HAX1: variants seen among roughly 807,000 people sequenced by gnomAD.
HAX1 encodes HCLS1-associated protein X-1.
A neutral mutation model predicts 31.1 loss-of-function variants in HAX1; 27 were observed. That is an observed-to-expected ratio of 0.87 (90% CI 0.64 to 1.20). The LOEUF (loss-of-function observed/expected upper bound fraction) is 1.20, where lower values mean the gene tolerates loss of function less well. Among genes scored for constraint, HAX1 ranks in the 50% most tolerant of loss-of-function variants. The probability of loss-of-function intolerance (pLI) is 0.00; values close to 1 mark genes in which losing one functional copy is unlikely to be tolerated. For synonymous variants in HAX1, 114 were observed against 124.1 expected (o/e 0.92, Z 0.54); for missense variants, 357 against 361.6 (o/e 0.99, Z 0.10).
intron 1 of HAX1, 60 bp downstream of exon 1, chr1:154,272,836 C>A: frequency 1.4e-6 from 2 of 1,470,668 alleles, no homozygotes; most frequent in Non-Finnish European, 1.9e-6. Flanking sequence ...TTGACCCCTA[C>A]GTCTTATTTT....
Position 154,273,758 on chromosome 1 carries a change from T to C in HAX1, c.317-16T>C, listed in dbSNP as rs1471084228. The C allele has an allele frequency of 6.2e-7, 1 of 1,613,972 alleles. No homozygotes were observed. The highest frequency in any genetic ancestry group is 1.3e-5 in the African/African-American group (1 of 74,902). On this transcript the variant is annotated splice_polypyrimidine_tract_variant and intron_variant, in intron 2 of 6. Transcript: ENST00000328703. The stretch of plus-strand genomic sequence containing the variant: ...GTCCTTTCCCATCCCAGCAAACACC[T>C]GCCACCTTTCTGCAGAACTTCCAGG...
Position 154,273,502 on chromosome 1 carries a change from C to T in HAX1, c.220C>T (p.Arg74Cys), listed in dbSNP as rs1558251527. The T allele has an allele frequency of 4.3e-6, 7 of 1,614,100 alleles. No individual in the cohort carries two copies. The highest frequency in any genetic ancestry group is 3.3e-5 in the South Asian group (3 of 91,088). The change falls in exon 2 of 7, where the codon CGT becomes TGT. Residue 74 changes from arginine (R) to cysteine (C), a missense_variant. By Grantham distance (180) the Arg-to-Cys change is radical. Coordinates refer to ENST00000328703, the MANE Select transcript of HAX1 (RefSeq NM_006118.4). ...GFSFSPGGGI[R>C]FHDNFGFDDL... ...CAGCTTCAGCCCAGGAGGAGGGATA[C>T]GTTTCCACGATAACTTCGGCTTTGA...
intron 3 of HAX1, among the ~76,000 whole-genome samples, chr1:154,274,343 G>A (rs1056477658): frequency 2.0e-5 from 3 of 151,538 alleles, no homozygotes; most frequent in African/African-American, 7.3e-5. Context: ...CAATTCCCAG[G>A]TTCAAGTGAT....
At chr1:154,274,062 CT>C (rs1455164614) in intron 3 of HAX1, 101 bp downstream of exon 3, 1 of 1,078,306 alleles carries the variant, frequency 9.3e-7, no homozygotes, top group Non-Finnish European at 1.4e-6. Flanking sequence ...AATCCCAGCA[CT>C]TTGGGAGGCC....
intron 3 of HAX1, among the ~76,000 whole-genome samples, 192 bp from the exon 4 acceptor site, chr1:154,274,758 T>G (rs1008855231): frequency 6.6e-6 from 1 of 152,116 alleles, no homozygotes; most frequent in Non-Finnish European, 1.5e-5. Context: ...TAGGAATATA[T>G]CAGTTCAGGA....
Position 154,273,591 on chromosome 1 carries a change from T to C in HAX1, c.309T>C (p.His103=). The change falls in exon 2 of 7, where the codon CAT becomes CAC. Residue 103 remains histidine (H), a synonymous_variant. Transcript: ENST00000328703. ...TGGGGGCCTGGACCTTGCCTTCCCA[T>C]CCTCCTGGTGTGTGGCTTTCCCTAA... The part of the protein sequence containing the change: ...SDMGAWTLPS[H]PPELPGPESE... 2 of 1,614,138 alleles carry C rather than the reference T, an allele frequency of 1.2e-6. No homozygotes were observed. The highest frequency in any genetic ancestry group is 8.5e-7 in the Non-Finnish European group (1 of 1,180,008).
At chr1:154,274,822 G>A (rs1332319373) in intron 3 of HAX1, 128 bp from the exon 4 acceptor site, 1 of 731,830 alleles carries the variant, frequency 1.4e-6, no homozygotes. Flanking sequence ...GTGTAAATAA[G>A]GCTATTCTGA....
Position 154,273,587 on chromosome 1 carries a change from C to T in HAX1, c.305C>T (p.Ser102Phe), listed in dbSNP as rs1342223114. 1 of 1,614,116 alleles carries T rather than the reference C, an allele frequency of 6.2e-7. No homozygotes were observed. Among genetic ancestry groups the T allele is most frequent in the Non-Finnish European group, 8.5e-7 (1 of 1,179,998 alleles). ...FSDMGAWTLP[S>F]HPPELPGPES... Reference sequence around the variant, plus strand: ...GATATGGGGGCCTGGACCTTGCCTTCCCATCCTCCTGGTGTGTGGCTTTCC... The same window carrying T: ...GATATGGGGGCCTGGACCTTGCCTTTCCATCCTCCTGGTGTGTGGCTTTCC... Residue 102 changes from serine (S) to phenylalanine (F), a missense_variant, in exon 2 of 7, where the codon TCC becomes TTC. Transcript: ENST00000328703.
chr1:154,274,962 T>C lies in HAX1; in HGVS notation c.517T>C (p.Trp173Arg). The C allele has an allele frequency of 1.2e-6, 2 of 1,610,912 alleles. No individual in the cohort carries two copies. The highest frequency in any genetic ancestry group is 8.5e-7 in the Non-Finnish European group (1 of 1,177,060). The change falls in exon 4 of 7, where the codon TGG becomes CGG. Residue 173 changes from tryptophan (W) to arginine (R), a missense_variant. By Grantham distance (101) the Trp-to-Arg change is moderately radical. Coordinates refer to ENST00000328703, the MANE Select transcript of HAX1 (RefSeq NM_006118.4). ...GTTTCTTCTGCAGTTTGATGATGTATGGCCTATGGACCCCCATCCTAGAAC... is the reference window on the plus strand; with the variant it reads ...GTTTCTTCTGCAGTTTGATGATGTACGGCCTATGGACCCCCATCCTAGAAC... The part of the protein sequence containing the change: ...QRPFHRFDDV[W>R]PMDPHPRTRE...
At chr1:154,274,105 G>C in intron 3 of HAX1, 144 bp downstream of exon 3, 37 of 735,914 alleles carry the variant, frequency 5.0e-5, no homozygotes, top group South Asian at 7.6e-5. Flanking sequence ...GTCAGGAGTT[G>C]GAGACCAGCC....
Position 154,273,862 on chromosome 1 carries a change from T to G in HAX1, c.405T>G (p.Ser135Arg). The G allele has an allele frequency of 6.2e-7, 1 of 1,614,018 alleles. No individual in the cohort carries two copies. Among genetic ancestry groups the G allele is most frequent in the Non-Finnish European group, 8.5e-7 (1 of 1,179,980 alleles). Residue 135 changes from serine to arginine, a missense_variant, in exon 3 of 7, where the codon AGT (serine) becomes AGG (arginine). Ser to Arg is a moderately radical substitution (Grantham distance 110, BLOSUM62 -1). Coordinates refer to ENST00000328703, the MANE Select transcript of HAX1 (RefSeq NM_006118.4). ...LRDSMLKYPD[S>R]HQPRIFGGVL... ...ACTCAATGCTTAAGTATCCAGATAGTCACCAGCCCAGGATCTTTGGGGGGG... is the reference window on the plus strand; with the variant it reads ...ACTCAATGCTTAAGTATCCAGATAGGCACCAGCCCAGGATCTTTGGGGGGG...
In HAX1 at chr1:154,273,167, A is replaced by AG. The variant is rs1174853157; in HGVS notation, c.54-169_54-168insG. On this transcript the variant is annotated intron_variant, in intron 1 of 6. Coordinates refer to ENST00000328703, the MANE Select transcript of HAX1 (RefSeq NM_006118.4). Reference sequence around the variant, plus strand: ...ACTTTGATTAAAAAAAAAAAAAAAAAAAAAGAACTGTCAGCCATTGTATTA... The same window carrying AG: ...ACTTTGATTAAAAAAAAAAAAAAAAAGAAAAGAACTGTCAGCCATTGTATTA... 7.3e-6 allele frequency: 5 copies of AG among 687,540 alleles called. No individual in the cohort carries two copies. In the East Asian group the frequency reaches 8.0e-5, roughly 11 times the overall value. The allele number at this position is 687,540 out of a possible 1,614,324, so 42.6% of individuals were successfully genotyped here.
At position 154,272,842 on chromosome 1, in the gene HAX1, A is replaced by AT. The variant is rs1047496449; in HGVS notation, c.53+71dup. 30 of 1,435,770 alleles carry AT rather than the reference A, an allele frequency of 2.1e-5. No individual in the cohort carries two copies. In the Admixed American group the frequency reaches 5.1e-4, roughly 24 times the overall value. The allele number at this position is 1,435,770 out of a possible 1,614,324, so 88.9% of individuals were successfully genotyped here. A position where few individuals can be genotyped will look rare whatever the true frequency, so the allele number is the denominator to read the frequency against. On this transcript the variant is annotated intron_variant, in intron 1 of 6. Transcript: ENST00000328703. ...GAGGGGAGCTTGACCCCTACGTCTT[A>AT]TTTTTGGAAAAACATCCTCTGTCCC...
Position 154,273,350 on chromosome 1 carries a change from T to G in HAX1, c.68T>G (p.Phe23Cys). ...TCCACTCTCAGCCACAGAGATCCCT[T>G]TTTTGGAGGGATGACTCGAGATGAA... Reference protein sequence around the residue: ...FPGPRSHRDPFFGGMTRDEDD... With the variant: ...FPGPRSHRDPCFGGMTRDEDD... The change falls in exon 2 of 7, where the codon TTT (phenylalanine) becomes TGT (cysteine). Residue 23 changes from phenylalanine (F) to cysteine (C), a missense_variant. Phe to Cys is a radical substitution (Grantham distance 205). Coordinates refer to ENST00000328703, the MANE Select transcript of HAX1 (RefSeq NM_006118.4). 1 of 1,613,448 alleles carries G rather than the reference T, an allele frequency of 6.2e-7. No individual in the cohort carries two copies. The highest frequency in any genetic ancestry group is 8.5e-7 in the Non-Finnish European group (1 of 1,179,738).
Position 154,275,867 on chromosome 1 carries a change from T to A in HAX1, c.*166T>A. The A allele has an allele frequency of 1.5e-6, 1 of 652,914 alleles. No individual in the cohort carries two copies. The highest frequency in any genetic ancestry group is 2.8e-6 in the Non-Finnish European group (1 of 360,442). 40.4% of individuals were successfully genotyped at this position (652,914 alleles called of 1,614,324 possible). A position where few individuals can be genotyped will look rare whatever the true frequency, so the allele number is the denominator to read the frequency against. ...CCAAACTGACCAATAAAACCTTTATTTATGCTAATTTTTTGTCTTGGTTTT... is the reference window on the plus strand; with the variant it reads ...CCAAACTGACCAATAAAACCTTTATATATGCTAATTTTTTGTCTTGGTTTT... On this transcript the variant is annotated 3_prime_UTR_variant, in exon 7 of 7. Transcript: ENST00000328703.
intron 3 of HAX1, among the ~76,000 whole-genome samples, chr1:154,274,375 G>A (rs1172967104): frequency 6.6e-6 from 1 of 152,026 alleles, no homozygotes; most frequent in East Asian, 1.9e-4. Context: ...AGCCTCCTGA[G>A]TAGCTGGGAT....
rs1318276629 is a variant in HAX1, at chr1:154,273,584, C to T, written c.302C>T (p.Pro101Leu). ...IFSDMGAWTL[P>L]SHPPELPGPE... ...AGCGATATGGGGGCCTGGACCTTGC[C>T]TTCCCATCCTCCTGGTGTGTGGCTT... Residue 101 changes from proline (P) to leucine (L), a missense_variant, in exon 2 of 7, where the codon CCT (proline) becomes CTT (leucine). Coordinates refer to ENST00000328703, the MANE Select transcript of HAX1 (RefSeq NM_006118.4). 2.5e-6 allele frequency: 4 copies of T among 1,614,162 alleles called. No homozygotes were observed. Among genetic ancestry groups the T allele is most frequent in the Non-Finnish European group, 3.4e-6 (4 of 1,180,010 alleles).
rs1054116365 is a variant in HAX1 at position 154,275,676 on chromosome 1, T to C, written c.815T>C (p.Leu272Pro). ...DDAFSILDLF[L>P]GRWFRSR is the part of the protein sequence containing the mutation. Reference sequence around the variant, plus strand: ...GCCTTTTCCATCCTGGACTTATTCCTGGGACGTTGGTTCCGGTCCCGGTAG... The same window carrying C: ...GCCTTTTCCATCCTGGACTTATTCCCGGGACGTTGGTTCCGGTCCCGGTAG... Residue 272 changes from leucine to proline, a missense_variant, in exon 7 of 7, where the codon CTG becomes CCG. Transcript: ENST00000328703. 1.2e-6 allele frequency: 2 copies of C among 1,613,776 alleles called. No individual in the cohort carries two copies. Among genetic ancestry groups the C allele is most frequent in the Non-Finnish European group, 1.7e-6 (2 of 1,179,776 alleles).
intron 1 of HAX1, 173 bp from the exon 2 acceptor site, chr1:154,273,150 TAAAAAAAAAAAAA>T (rs373573437): frequency 1.9e-6 from 1 of 516,466 alleles, no homozygotes. Flanking sequence ...TGACTTTGAT[TAAAAAAAAAAAAA>T]AAAAAAAAGA....
Sources: allele counts gnomAD v4.1 joint callset (sites outside exome capture counted in the v4.1 genomes callset), GRCh38; gene constraint gnomAD v4.1.1; transcripts MANE v1.5; gene names NCBI Gene and HGNC (gene_info 2026-07-23, HGNC 2026-07-21).